Variants in CADPS observed in about 807,000 individuals in gnomAD.
CADPS encodes calcium-dependent secretion activator 1.
A neutral mutation model predicts 167.3 loss-of-function variants in CADPS; 57 were observed. The ratio of observed to expected loss-of-function variants is 0.34; its 90% CI spans 0.28 to 0.42. CADPS has a LOEUF of 0.42. Among genes scored for constraint, CADPS ranks in the 20% least tolerant of loss-of-function variants. The pLI is 1.00. For missense variants in CADPS, 1,414 were observed against 1,738.1 expected (o/e 0.81, Z 3.32); for synonymous variants, 676 against 635.3 (o/e 1.06, Z -0.96).
intron 11 of CADPS, among the ~76,000 whole-genome samples, chr3:62,545,950 T>C (rs17695565): frequency 0.039 from 5,961 of 152,218 alleles, 131 homozygotes; most frequent in Admixed American, 0.057. Flanking sequence ...AAAGCGATTA[T>C]AGAGTTAAGT....
intron 6 of CADPS, among the ~76,000 whole-genome samples, chr3:62,603,072 A>T (rs567021669): frequency 9.2e-5 from 14 of 152,264 alleles, no homozygotes; most frequent in African/African-American, 3.4e-4. Context: ...AGCAATTGTC[A>T]CCTGTACGAT....
chr3:62,701,445 C>T (rs565372000), intron 3 of CADPS, among the ~76,000 whole-genome samples: 11 of 150,846 alleles, frequency 7.3e-5, no homozygotes, highest in South Asian at 2.2e-4. Flanking sequence ...GAGTCTCTTT[C>T]CAAAGCCCAA....
intron 13 of CADPS, among the ~76,000 whole-genome samples, chr3:62,524,604 T>C (rs1188504525): frequency 6.6e-6 from 1 of 152,220 alleles, no homozygotes; most frequent in Non-Finnish European, 1.5e-5. Flanking sequence ...TTGACTTATT[T>C]ACAGTTCTCC....
At chr3:62,740,914 TCTA>T (rs1280355182) in intron 3 of CADPS, among the ~76,000 whole-genome samples, 1 of 152,218 alleles carries the variant, frequency 6.6e-6, no homozygotes, top group Non-Finnish European at 1.5e-5. Context: ...ATTACAATTG[TCTA>T]CTATTTTACA....
intron 2 of CADPS, among the ~76,000 whole-genome samples, chr3:62,756,057 CTTTTTTT>C (rs59705571): frequency 7.0e-6 from 1 of 142,076 alleles, no homozygotes; most frequent in African/African-American, 2.6e-5. Context: ...TTTTCTTTTT[CTTTTTTT>C]TTTTTTTGAG....
intron 13 of CADPS, chr3:62,530,838 G>C: frequency 8.3e-7 from 1 of 1,211,484 alleles, no homozygotes; most frequent in Non-Finnish European, 1.1e-6. Context: ...GGTCGCATGA[G>C]GCATGCACAG....
At chr3:62,799,953 G>A (rs13082974) in intron 1 of CADPS, among the ~76,000 whole-genome samples, 67,165 of 152,062 alleles carry the variant, frequency 0.44, 17,282 homozygotes, top group East Asian at 0.83. Context: ...GGGAAGATTT[G>A]TTTCCTGACT....
chr3:62,715,966 C>T (rs977677849), intron 3 of CADPS, among the ~76,000 whole-genome samples: 4 of 151,880 alleles, frequency 2.6e-5, no homozygotes, highest in Non-Finnish European at 4.4e-5. Context: ...AGGATGGTCT[C>T]GATCTCCTGA....
chr3:62,462,194 A>G (rs941174079), intron 26 of CADPS, among the ~76,000 whole-genome samples: 3 of 152,232 alleles, frequency 2.0e-5, no homozygotes, highest in Admixed American at 6.5e-5. Flanking sequence ...GCGTCTTCCA[A>G]CTGGGCTGAT....
At chr3:62,805,304 C>A (rs760150993) in intron 1 of CADPS, among the ~76,000 whole-genome samples, 1 of 152,174 alleles carries the variant, frequency 6.6e-6, no homozygotes, top group African/African-American at 2.4e-5. Context: ...TCCATCCTCT[C>A]AGTTACGCCT....
At chr3:62,625,482 G>A (rs2063899901) in intron 6 of CADPS, 1 of 150,612 alleles carries the variant, frequency 6.6e-6, no homozygotes, top group African/African-American at 2.5e-5. Context: ...GGGTCACACT[G>A]GTTCAGGAGC....
chr3:62,550,431 C>A (rs780296248), intron 10 of CADPS, among the ~76,000 whole-genome samples: 2 of 152,010 alleles, frequency 1.3e-5, no homozygotes, highest in Non-Finnish European at 2.9e-5. Flanking sequence ...ACAAACAAAA[C>A]AACAACAAAA....
In CADPS at chr3:62,869,070, T is replaced by C. The variant is rs560233857; in HGVS notation, c.441+5519A>G. ...TTTAAAGGATTTTAGAATATTTATG[T>C]CATACTGGTTGAGCATCCCTAATCC... On this transcript the variant is annotated intron_variant, in intron 1 of 29. Transcript: ENST00000383710. Among the ~76,000 whole-genome samples, 4 of 152,204 alleles carry C rather than the reference T, an allele frequency of 2.6e-5. No homozygotes were observed. The East Asian group carries it at 7.7e-4, about 29-fold the overall frequency.
At chr3:62,405,139 G>C (rs866987786) in intron 28 of CADPS, among the ~76,000 whole-genome samples, 12 of 36,828 alleles carry the variant, frequency 3.3e-4, no homozygotes, top group Admixed American at 3.2e-3. Context: ...TGTAATCTGG[G>C]GGGGGGGGGG....
At chr3:62,817,236 A>G (rs1183394755) in intron 1 of CADPS, among the ~76,000 whole-genome samples, 1 of 152,204 alleles carries the variant, frequency 6.6e-6, no homozygotes, top group Non-Finnish European at 1.5e-5. Flanking sequence ...TCTCTGGCTA[A>G]CTTCAGAACC....
intron 15 of CADPS, 118 bp downstream of exon 15, chr3:62,516,462 T>C: frequency 1.2e-6 from 1 of 839,984 alleles, no homozygotes. Context: ...TGATATTTGA[T>C]GAATGGTAAA....
At position 62,420,657 on chromosome 3, in the gene CADPS, C is replaced by T. The variant is rs1276157610; in HGVS notation, c.3777+17447G>A. 6.6e-6 allele frequency among the ~76,000 whole-genome samples: 1 copy of T among 152,112 alleles called. No individual in the cohort carries two copies. The highest frequency in any genetic ancestry group is 1.5e-5 in the Non-Finnish European group (1 of 68,040). On this transcript the variant is annotated intron_variant, in intron 28 of 29. Transcript: ENST00000383710. This position sits in a 1 kb window ranked among gnomAD's most constrained non-coding sequence, Gnocchi z 4.1. Reference sequence around the variant, plus strand: ...GGAGTCTAGAAAACAGGTTCTGATGCCTGGGGCCCAGGAATGAGGAAAATA... The same window carrying T: ...GGAGTCTAGAAAACAGGTTCTGATGTCTGGGGCCCAGGAATGAGGAAAATA...
chr3:62,720,334 T>A (rs1421278674), intron 3 of CADPS, among the ~76,000 whole-genome samples: 2 of 141,576 alleles, frequency 1.4e-5, no homozygotes, highest in African/African-American at 5.9e-5. Flanking sequence ...TGTTTGTTTG[T>A]TTGTTTGTTT....
chr3:62,467,150 A>G (rs2060038039), intron 24 of CADPS: 1 of 290,852 alleles, frequency 3.4e-6, no homozygotes, highest in Non-Finnish European at 6.1e-6. Flanking sequence ...GCCAGGGAAA[A>G]AGGAAAAGTG....
Sources: gnomAD v4.1 joint callset for allele counts (sites outside exome capture counted in the v4.1 genomes callset) on GRCh38, gnomAD v4.1.1 for gene constraint, Gnocchi (gnomAD v3.1) non-coding constraint, MANE v1.5 for transcripts, NCBI Gene and HGNC (gene_info 2026-07-23, HGNC 2026-07-21) for gene names.